Variants in FRYL observed in about 807,000 individuals in gnomAD.
FRYL encodes the protein FRY like transcription coactivator, also known as protein furry homolog-like.
In FRYL, 150 loss-of-function variants were observed where a neutral mutation model predicts 351.2. The ratio of observed to expected loss-of-function variants is 0.43; its 90% CI spans 0.37 to 0.49. The LOEUF (loss-of-function observed/expected upper bound fraction) is 0.49. Ranked by LOEUF, FRYL falls within the 20% of genes least tolerant of loss-of-function variation. FRYL has a pLI of 0.00. For missense variants in FRYL, 3,036 were observed against 3,619.3 expected, an observed-to-expected ratio of 0.84 and a Z score of 4.13; for synonymous variants, 1,153 against 1,257.1, an observed-to-expected ratio of 0.92 and a Z score of 1.75.
chr4:48,765,596 T>G (rs1357341325), intron 1 of FRYL, among the ~76,000 whole-genome samples: 1 of 151,402 alleles, frequency 6.6e-6, no homozygotes. Context: ...TGGCAATGAT[T>G]TTTTTTTTGG....
At chr4:48,504,068 T>A (rs1430622110) in intron 60 of FRYL, among the ~76,000 whole-genome samples, 2 of 152,136 alleles carry the variant, frequency 1.3e-5, no homozygotes, top group Non-Finnish European at 2.9e-5. Context: ...CAGCTCTGAA[T>A]TACCAGCAAT....
At chr4:48,550,515 T>C (rs753299372) in intron 38 of FRYL, 77 bp downstream of exon 38, 3 of 865,916 alleles carry the variant, frequency 3.5e-6, no homozygotes, top group East Asian at 5.3e-5. Flanking sequence ...ACTGAAAATA[T>C]ATATTTATTA....
At chr4:48,768,070 T>A (rs1056911624) in intron 1 of FRYL, among the ~76,000 whole-genome samples, 11 of 152,176 alleles carry the variant, frequency 7.2e-5, no homozygotes, top group Non-Finnish European at 2.9e-5. Context: ...CTCAGGGATG[T>A]TTCTTTTCCT....
intron 1 of FRYL, among the ~76,000 whole-genome samples, chr4:48,735,108 TCAAA>T: frequency 1.0e-5 from 1 of 98,866 alleles, no homozygotes; most frequent in Middle Eastern, 4.1e-3. Flanking sequence ...TACAATGAAC[TCAAA>T]CAAATTTACA....
At chr4:48,654,888 T>G (rs1758495561) in intron 3 of FRYL, among the ~76,000 whole-genome samples, 1 of 152,212 alleles carries the variant, frequency 6.6e-6, no homozygotes. Context: ...GAAAAATGTC[T>G]TGGCCTCATA....
intron 23 of FRYL, among the ~76,000 whole-genome samples, chr4:48,577,573 G>T (rs1054580294): frequency 1.6e-4 from 24 of 152,280 alleles, no homozygotes; most frequent in African/African-American, 5.8e-4. Flanking sequence ...ATGGTGCTAA[G>T]TTTGATGAAG....
rs373309783 is a variant in FRYL, at chr4:48,512,628, T to C, written c.7998A>G (p.Pro2666=). The change falls in exon 57 of 64, where the codon CCA becomes CCG. Residue 2666 remains proline (P), a synonymous_variant. Transcript: ENST00000358350. ...AGGCGGCTATGATGGCAGAAAGAAA[T>C]GGTGACGGCAGAGGCGACGTCTGTA... ...PEVQTSPLPS[P]FLSAIIAAFQ... is the part of the protein sequence containing the mutation. 5 of 1,613,882 alleles carry C rather than the reference T, an allele frequency of 3.1e-6. No homozygotes were observed. The highest frequency in any genetic ancestry group is 2.7e-5 in the African/African-American group (2 of 74,920).
intron 22 of FRYL, 69 bp downstream of exon 22, chr4:48,580,796 A>T: frequency 1.1e-6 from 1 of 935,096 alleles, no homozygotes; most frequent in Non-Finnish European, 1.7e-6. Context: ...ATGCACATGT[A>T]CATGTATACA....
At position 48,729,443 on chromosome 4, in the gene FRYL, C is replaced by T. The variant is rs185103025; in HGVS notation, c.-383-18745G>A. The stretch of plus-strand genomic sequence containing the variant: ...GGACAGACTGCCTCCTCAAATGGGT[C>T]TCTGACCCCTGTGTAGCCTGACTGG... On this transcript the variant is annotated intron_variant, in intron 1 of 63. Coordinates refer to ENST00000358350, the MANE Select transcript of FRYL (RefSeq NM_015030.2). Among the ~76,000 whole-genome samples the T allele has an allele frequency of 3.9e-3, 601 of 152,334 alleles. 2 individuals carry two copies. The highest frequency in any genetic ancestry group is 7.2e-3 in the Non-Finnish European group (489 of 68,026).
intron 26 of FRYL, among the ~76,000 whole-genome samples, chr4:48,571,513 A>T (rs1738320854): frequency 6.6e-6 from 1 of 152,246 alleles, no homozygotes; most frequent in Admixed American, 6.5e-5. Context: ...AAGAGATATC[A>T]ATCACCTATA....
chr4:48,680,754 A>G (rs1191553200), intron 3 of FRYL, among the ~76,000 whole-genome samples: 7 of 152,148 alleles, frequency 4.6e-5, no homozygotes, highest in Non-Finnish European at 1.0e-4. Flanking sequence ...CTCCAGCTAT[A>G]CTTGAAGAAA....
chr4:48,544,648 G>A, intron 43 of FRYL, 135 bp downstream of exon 43: 2 of 641,786 alleles, frequency 3.1e-6, no homozygotes, highest in Non-Finnish European at 4.9e-6. Context: ...AAACAGATCT[G>A]TTATCATTAA....
chr4:48,626,461 T>C (rs1365485349), intron 4 of FRYL, among the ~76,000 whole-genome samples: 1 of 152,104 alleles, frequency 6.6e-6, no homozygotes, highest in Admixed American at 6.6e-5. Context: ...TAAGCTAATA[T>C]AATTAATCAA....
chr4:48,546,351 T>A, intron 41 of FRYL, 80 bp from the exon 42 acceptor site: 2 of 1,101,754 alleles, frequency 1.8e-6, no homozygotes, highest in Non-Finnish European at 2.7e-6. Context: ...CTGTTGTTCC[T>A]TAGACTCTAT....
intron 41 of FRYL, chr4:48,547,352 T>C (rs1473632483): frequency 3.0e-6 from 1 of 328,310 alleles, no homozygotes; most frequent in Non-Finnish European, 5.5e-6. Context: ...AACTTACATA[T>C]TCCTAAGTTA....
At chr4:48,622,150 A>G (rs1750774229) in intron 5 of FRYL, among the ~76,000 whole-genome samples, 1 of 152,204 alleles carries the variant, frequency 6.6e-6, no homozygotes. Flanking sequence ...ATAGTTTATT[A>G]ATCATTTACA....
Position 48,582,662 on chromosome 4 carries a change from A to G in FRYL, c.1821T>C (p.Phe607=). The stretch of plus-strand genomic sequence containing the variant: ...AAAGAACATCCTCCCGCCAATCTGG[A>G]AAATCAAGCATTAGTGCCTGCAGAG... ...FNTLQALMLD[F]PDWREDVLSG... is the part of the protein sequence containing the mutation. The change falls in exon 20 of 64, where the codon TTT becomes TTC. Residue 607 remains phenylalanine, a synonymous_variant. Transcript: ENST00000358350. 6.2e-7 allele frequency: 1 copy of G among 1,614,126 alleles called. No individual in the cohort carries two copies. Among genetic ancestry groups the G allele is most frequent in the Non-Finnish European group, 8.5e-7 (1 of 1,179,992 alleles).
intron 53 of FRYL, 84 bp from the exon 54 acceptor site, chr4:48,523,188 C>G: frequency 2.2e-6 from 2 of 916,178 alleles, no homozygotes; most frequent in Admixed American, 2.4e-5. Context: ...AAACATATAC[C>G]AAGATGAAAA....
At chr4:48,746,970 A>G (rs889168550) in intron 1 of FRYL, among the ~76,000 whole-genome samples, 2 of 152,218 alleles carry the variant, frequency 1.3e-5, no homozygotes, top group African/African-American at 2.4e-5. Flanking sequence ...TGTGAGCAAA[A>G]TAAATGATTG....
Sources: allele counts gnomAD v4.1 joint callset (sites outside exome capture counted in the v4.1 genomes callset), GRCh38; gene constraint gnomAD v4.1.1; transcripts MANE v1.5; gene names NCBI Gene and HGNC (gene_info 2026-07-23, HGNC 2026-07-21).